Variants in MYL2 observed in about 807,000 individuals in gnomAD.
MYL2 encodes myosin regulatory light chain 2, ventricular/cardiac muscle isoform.
Under a neutral mutation model 23.0 loss-of-function variants are expected in MYL2, and 19 were observed. The ratio of observed to expected loss-of-function variants is 0.83; its 90% CI spans 0.58 to 1.21. The LOEUF (loss-of-function observed/expected upper bound fraction) is 1.21, where lower values mean the gene tolerates loss of function less well. MYL2 is among the 50% of genes most tolerant of loss of function. MYL2 has a pLI of 0.00. For missense variants in MYL2, 180 were observed against 215.1 expected (o/e 0.84, Z 1.02); for synonymous variants, 78 against 76.2 (o/e 1.02, Z -0.13).
chr12:110,917,764 G>A (rs779065619), intron 2 of MYL2, among the ~76,000 whole-genome samples: 1 of 152,158 alleles, frequency 6.6e-6, no homozygotes, highest in Non-Finnish European at 1.5e-5. Context: ...CTGTTTGGAA[G>A]CCCCAAATGG....
In MYL2 at chr12:110,913,829, T is replaced by G. The variant is rs573964728; in HGVS notation, c.274+357A>C. On this transcript the variant is annotated intron_variant, in intron 4 of 6. Coordinates refer to ENST00000228841, the MANE Select transcript of MYL2 (RefSeq NM_000432.4). ...GTGCAGTGGCACAATGTCAGCTCAC[T>G]GCAACCTCTGACATCCCGGTTCAAG... 3.9e-5 allele frequency among the ~76,000 whole-genome samples: 6 copies of G among 152,338 alleles called. No homozygotes were observed. In the East Asian group the frequency reaches 1.2e-3, roughly 29 times the overall value.
chr12:110,912,437 G>A (rs2071659581), intron 6 of MYL2, among the ~76,000 whole-genome samples: 2 of 152,206 alleles, frequency 1.3e-5, no homozygotes, highest in Admixed American at 6.5e-5. Context: ...AGTATGTGGC[G>A]GCCCTTCACG....
At chr12:110,920,780 T>C, upstream of MYL2, 1 of 603,288 alleles carries the variant, frequency 1.7e-6, no homozygotes, top group Non-Finnish European at 3.0e-6. Context: ...AAAGAGGCAG[T>C]AGCTGGGTCA....
upstream of MYL2, among the ~76,000 whole-genome samples, chr12:110,921,047 C>T (rs2071721976): frequency 6.6e-6 from 1 of 152,218 alleles, no homozygotes; most frequent in Non-Finnish European, 1.5e-5. Context: ...AGTGAAGCCT[C>T]CCCGACCACC....
Position 110,920,555 on chromosome 12 carries a change from C to T in MYL2, c.-26G>A. 1 of 1,614,154 alleles carries T rather than the reference C, an allele frequency of 6.2e-7. No individual in the cohort carries two copies. Among genetic ancestry groups the T allele is most frequent in the Non-Finnish European group, 8.5e-7 (1 of 1,180,028 alleles). ...GGTGGAAAGGACCCAGCACTGCCTCCCGAGAAGAATTCCACACTCCGCCCA... is the reference window on the plus strand; with the variant it reads ...GGTGGAAAGGACCCAGCACTGCCTCTCGAGAAGAATTCCACACTCCGCCCA... On this transcript the variant is annotated 5_prime_UTR_variant, in exon 1 of 7. Transcript: ENST00000228841.
intron 2 of MYL2, among the ~76,000 whole-genome samples, chr12:110,916,930 C>T (rs996057830): frequency 5.9e-5 from 9 of 152,116 alleles, no homozygotes; most frequent in Non-Finnish European, 7.4e-5. Context: ...CTCACTGTAA[C>T]CTCCGCCTCC....
chr12:110,921,235 C>T (rs2071725471), upstream of MYL2, among the ~76,000 whole-genome samples: 1 of 152,152 alleles, frequency 6.6e-6, no homozygotes, highest in Admixed American at 6.5e-5. Context: ...GTGGTGCATG[C>T]CTATAGTCTC....
rs1592798603 is a variant in MYL2 at position 110,911,152 on chromosome 12, G to A, written c.426C>T (p.Phe142=). 4 of 1,606,544 alleles carry A rather than the reference G, an allele frequency of 2.5e-6. No individual in the cohort carries two copies. Among genetic ancestry groups the A allele is most frequent in the Non-Finnish European group, 3.4e-6 (4 of 1,175,554 alleles). ...CCAAGTTGCCAGTCACGTCAGGGGG[G>A]AAGGCGGCGAACATCTGGTCAACCT... ...KEEVDQMFAA[F]PPDVTGNLDY... is the part of the protein sequence containing the mutation. Residue 142 remains phenylalanine, a synonymous_variant, in exon 7 of 7, where the codon TTC becomes TTT. Transcript: ENST00000228841.
intron 1 of MYL2, among the ~76,000 whole-genome samples, chr12:110,920,252 G>T (rs1475778984): frequency 6.6e-6 from 1 of 152,174 alleles, no homozygotes; most frequent in Non-Finnish European, 1.5e-5. Flanking sequence ...CAAGTCCTGG[G>T]AGTTATTGAT....
rs746149572 is a variant in MYL2 at position 110,911,069 on chromosome 12, G to T, written c.*8C>A. Reference sequence around the variant, plus strand: ...AGACGAGCCCAGGGCGCAGCAGCGAGCCCCCTCCTAGTCCTTCTCTTCTCC... The same window carrying T: ...AGACGAGCCCAGGGCGCAGCAGCGATCCCCCTCCTAGTCCTTCTCTTCTCC... On this transcript the variant is annotated 3_prime_UTR_variant, in exon 7 of 7. Transcript: ENST00000228841. 1.2e-6 allele frequency: 2 copies of T among 1,613,178 alleles called. No individual in the cohort carries two copies. Among genetic ancestry groups the T allele is most frequent in the Non-Finnish European group, 1.7e-6 (2 of 1,179,246 alleles).
rs542961456 is a variant in MYL2, at chr12:110,910,975, G to T, written c.*102C>A. 3.9e-4 allele frequency: 438 copies of T among 1,116,600 alleles called. 2 individuals are homozygous for T. The highest frequency in any genetic ancestry group is 5.9e-4 in the Middle Eastern group (3 of 5,048). 69.2% of individuals were successfully genotyped at this position (1,116,600 alleles called of 1,614,324 possible). On this transcript the variant is annotated 3_prime_UTR_variant, in exon 7 of 7. Transcript: ENST00000228841. ...GGTGGATAAATGGGGCAGCCACATG[G>T]CTAACAGACAAGGTAGGGACAGAGG...
At chr12:110,920,632 A>G, upstream of MYL2, 1 of 1,575,978 alleles carries the variant, frequency 6.3e-7, no homozygotes, top group African/African-American at 1.3e-5. Flanking sequence ...TTTAAAAATA[A>G]CCCCATGACC....
Position 110,911,050 on chromosome 12 carries a change from G to T in MYL2, c.*27C>A, listed in dbSNP as rs529267733. On this transcript the variant is annotated 3_prime_UTR_variant, in exon 7 of 7. Coordinates refer to ENST00000228841, the MANE Select transcript of MYL2 (RefSeq NM_000432.4). The stretch of plus-strand genomic sequence containing the variant: ...GGCAGGGACCACTCTGCAAAGACGA[G>T]CCCAGGGCGCAGCAGCGAGCCCCCT... 1 of 1,598,044 alleles carries T rather than the reference G, an allele frequency of 6.3e-7. No homozygotes were observed. The highest frequency in any genetic ancestry group is 8.6e-7 in the Non-Finnish European group (1 of 1,165,536).
chr12:110,914,784 T>C (rs1352690061), intron 3 of MYL2, among the ~76,000 whole-genome samples: 1 of 152,148 alleles, frequency 6.6e-6, no homozygotes, highest in African/African-American at 2.4e-5. Flanking sequence ...CCTCCCAAAG[T>C]GCTGGGATTA....
upstream of MYL2, chr12:110,920,651 C>A: frequency 1.3e-6 from 2 of 1,490,048 alleles, no homozygotes; most frequent in Non-Finnish European, 1.9e-6. Context: ...CCGCTTTTGG[C>A]AGTCATAGGT....
At chr12:110,921,162 C>T (rs1015498104), upstream of MYL2, among the ~76,000 whole-genome samples, 1 of 152,124 alleles carries the variant, frequency 6.6e-6, no homozygotes, top group African/African-American at 2.4e-5. Flanking sequence ...AGTTTGCGAC[C>T]AGCCTGGGTG....
At chr12:110,919,273 T>C in intron 1 of MYL2, 80 bp from the exon 2 acceptor site, 1 of 1,187,800 alleles carries the variant, frequency 8.4e-7, no homozygotes, top group Non-Finnish European at 1.2e-6. Context: ...CTGGGTGTGT[T>C]CATCTCTGTT....
intron 6 of MYL2, 98 bp downstream of exon 6, chr12:110,912,998 G>A: frequency 7.8e-7 from 1 of 1,290,244 alleles, no homozygotes; most frequent in South Asian, 1.2e-5. Context: ...CTCTGTCAGT[G>A]TGGGGTCAGG....
intron 3 of MYL2, among the ~76,000 whole-genome samples, chr12:110,915,430 T>C (rs536429059): frequency 1.3e-5 from 2 of 152,336 alleles, no homozygotes; most frequent in African/African-American, 4.8e-5. Flanking sequence ...TGTCATTTTC[T>C]CCTTTATACT....
Sources: gnomAD v4.1 joint callset for allele counts (sites outside exome capture counted in the v4.1 genomes callset) on GRCh38, gnomAD v4.1.1 for gene constraint, MANE v1.5 for transcripts, NCBI Gene and HGNC (gene_info 2026-07-23, HGNC 2026-07-21) for gene names.